Variants in BICC1 observed in about 807,000 individuals in gnomAD.
BICC1 encodes protein bicaudal C homolog 1.
A neutral mutation model predicts 111.0 loss-of-function variants in BICC1; 43 were observed. The observed-to-expected ratio is 0.39, with a 90% CI of 0.30 to 0.50. The LOEUF (loss-of-function observed/expected upper bound fraction) is 0.50. Ranked by LOEUF, BICC1 falls within the 20% of genes least tolerant of loss-of-function variation. The pLI is 0.88. For synonymous variants in BICC1, 467 were observed against 434.4 expected (o/e 1.07, Z -0.93); for missense variants, 1,091 against 1,203.2 (o/e 0.91, Z 1.38).
At chr10:58,611,724 A>T (rs961960293) in intron 1 of BICC1, among the ~76,000 whole-genome samples, 1 of 152,002 alleles carries the variant, frequency 6.6e-6, no homozygotes, top group Non-Finnish European at 1.5e-5. Context: ...TCCTGACCTC[A>T]GGTGATCCTC....
At chr10:58,643,375 C>A (rs1564527758) in intron 2 of BICC1, among the ~76,000 whole-genome samples, 1 of 152,188 alleles carries the variant, frequency 6.6e-6, no homozygotes, top group South Asian at 2.1e-4. Context: ...TGAATTTTGT[C>A]AAATTTCCCA....
chr10:58,531,978 G>A (rs1842693303), intron 1 of BICC1, among the ~76,000 whole-genome samples: 1 of 151,580 alleles, frequency 6.6e-6, no homozygotes, highest in African/African-American at 2.4e-5. Flanking sequence ...TTTCAGAAGA[G>A]GAATATAGAG....
intron 16 of BICC1, 110 bp downstream of exon 16, chr10:58,806,733 A>G: frequency 9.6e-7 from 1 of 1,039,004 alleles, no homozygotes; most frequent in Middle Eastern, 2.8e-4. Context: ...AAAGAAACCT[A>G]GAATATTTGG....
intron 8 of BICC1, among the ~76,000 whole-genome samples, chr10:58,790,617 C>CA (rs1056356564): frequency 2.0e-5 from 3 of 152,096 alleles, no homozygotes; most frequent in African/African-American, 7.2e-5. Context: ...CACTTGAGGT[C>CA]AAAATCAAGA....
intron 16 of BICC1, 66 bp from the exon 17 acceptor site, chr10:58,806,938 T>C (rs1458120883): frequency 3.6e-6 from 5 of 1,404,812 alleles, no homozygotes; most frequent in East Asian, 4.7e-5. Flanking sequence ...ACGACACTTA[T>C]CATCAGTATT....
intron 1 of BICC1, among the ~76,000 whole-genome samples, chr10:58,603,920 G>T (rs970094089): frequency 1.3e-5 from 2 of 152,182 alleles, no homozygotes; most frequent in African/African-American, 4.8e-5. Flanking sequence ...AATTAAGTAC[G>T]TAATAAGTAT....
At position 58,788,369 on chromosome 10, in the gene BICC1, G is replaced by A; in HGVS notation, c.547-1G>A. 1 of 1,605,758 alleles carries A rather than the reference G, an allele frequency of 6.2e-7. No homozygotes were observed. Among genetic ancestry groups the A allele is most frequent in the Non-Finnish European group, 8.5e-7 (1 of 1,172,930 alleles). On this transcript the variant is annotated splice_acceptor_variant, in intron 5 of 20. Transcript: ENST00000373886. LOFTEE classifies it high-confidence loss of function. ...AACTTTGTATTTTCCTCCTCTTATA[G>A]GTATCTATAGCGGGACAACCAGCAG...
At chr10:58,620,473 G>A (rs980007883) in intron 1 of BICC1, among the ~76,000 whole-genome samples, 2 of 152,266 alleles carry the variant, frequency 1.3e-5, no homozygotes, top group African/African-American at 4.8e-5. Context: ...CCATATACAT[G>A]AGCCATCTTT....
chr10:58,789,790 C>T lies in BICC1; in HGVS notation c.904C>T (p.Arg302Ter). ...TCAACATCATCTCTTTATGATGGGT[C>T]GAAATGGGAGCAACATCAAACATAT... ...AAQHHLFMMG[R>*]NGSNIKHIMQ... Residue 302 changes from arginine to a stop codon, truncating the protein, a stop_gained, in exon 8 of 21, where the codon CGA becomes TGA. Coordinates refer to ENST00000373886, the MANE Select transcript of BICC1 (RefSeq NM_001080512.3). LOFTEE classifies it high-confidence loss of function. 6.2e-7 allele frequency: 1 copy of T among 1,614,046 alleles called. No individual in the cohort carries two copies. The highest frequency in any genetic ancestry group is 8.5e-7 in the Non-Finnish European group (1 of 1,180,018).
chr10:58,800,458 A>C (rs1843507893), intron 13 of BICC1, 132 bp downstream of exon 13: 1 of 809,164 alleles, frequency 1.2e-6, no homozygotes. Flanking sequence ...AATTATGTGG[A>C]AAGACAACAT....
intron 1 of BICC1, among the ~76,000 whole-genome samples, chr10:58,546,928 A>G (rs1350017319): frequency 6.6e-6 from 1 of 152,170 alleles, no homozygotes; most frequent in Non-Finnish European, 1.5e-5. Flanking sequence ...ATGTGCTTAA[A>G]TTGGTACCTA....
intron 2 of BICC1, among the ~76,000 whole-genome samples, chr10:58,633,238 G>T (rs1485426115): frequency 6.6e-6 from 1 of 152,110 alleles, no homozygotes; most frequent in Non-Finnish European, 1.5e-5. Flanking sequence ...TGAGGCCTCT[G>T]CAGCCATGTG....
At chr10:58,708,428 C>T (rs951066978) in intron 3 of BICC1, among the ~76,000 whole-genome samples, 1 of 152,082 alleles carries the variant, frequency 6.6e-6, no homozygotes, top group African/African-American at 2.4e-5. Flanking sequence ...TGTCTCATGC[C>T]AAGGAAATCA....
At chr10:58,709,123 C>A (rs1564567431) in intron 3 of BICC1, among the ~76,000 whole-genome samples, 1 of 152,080 alleles carries the variant, frequency 6.6e-6, no homozygotes, top group Non-Finnish European at 1.5e-5. Flanking sequence ...TAACTGTAGT[C>A]ACCCTACAGT....
chr10:58,777,892 G>A lies in BICC1; in HGVS notation c.308-7109G>A, dbSNP rs147378234. Reference sequence around the variant, plus strand: ...TGCTGTCTGTTCCTCTTCTCTTTTAGTTGACTAGTAAGGAGATTATTTTTT... The same window carrying A: ...TGCTGTCTGTTCCTCTTCTCTTTTAATTGACTAGTAAGGAGATTATTTTTT... On this transcript the variant is annotated intron_variant, in intron 3 of 20. Coordinates refer to ENST00000373886, the MANE Select transcript of BICC1 (RefSeq NM_001080512.3). Among the ~76,000 whole-genome samples, 742 of 152,122 alleles carry A rather than the reference G, an allele frequency of 4.9e-3. 13 individuals carry two copies. Among genetic ancestry groups the A allele is most frequent in the African/African-American group, 0.017 (700 of 41,488 alleles).
At chr10:58,639,035 C>A (rs2132204783) in intron 2 of BICC1, among the ~76,000 whole-genome samples, 1 of 150,258 alleles carries the variant, frequency 6.7e-6, no homozygotes, top group South Asian at 2.2e-4. Context: ...ATAGCTAAAT[C>A]AAGCTAATTA....
intron 1 of BICC1, among the ~76,000 whole-genome samples, chr10:58,542,165 AAC>A (rs1394559768): frequency 9.5e-5 from 14 of 146,906 alleles, no homozygotes; most frequent in African/African-American, 3.4e-4. Context: ...AAAAAAAAAA[AAC>A]AAAAAAAAAA....
At chr10:58,535,965 T>TA (rs200404524) in intron 1 of BICC1, among the ~76,000 whole-genome samples, 4,638 of 134,296 alleles carry the variant, frequency 0.035, 193 homozygotes, top group African/African-American at 0.1. Context: ...GCAACAATAG[T>TA]AAAAAAAAAA....
chr10:58,785,953 A>G (rs1323878893), intron 4 of BICC1, among the ~76,000 whole-genome samples: 2 of 152,046 alleles, frequency 1.3e-5, no homozygotes, highest in South Asian at 2.1e-4. Flanking sequence ...TAAAAAAATT[A>G]CTCCCCTGAT....
Sources: gnomAD v4.1 joint callset for allele counts (sites outside exome capture counted in the v4.1 genomes callset) on GRCh38, gnomAD v4.1.1 for gene constraint, MANE v1.5 for transcripts, NCBI Gene and HGNC (gene_info 2026-07-23, HGNC 2026-07-21) for gene names.